The following LCLAT1 variants were observed in gnomAD, a reference collection of about 807,000 sequenced individuals.
LCLAT1 encodes the protein lysocardiolipin acyltransferase 1.
Under a neutral mutation model 30.7 loss-of-function variants are expected in LCLAT1, and 11 were observed. The ratio of observed to expected loss-of-function variants is 0.36; its 90% CI spans 0.23 to 0.59. The LOEUF is 0.59. Among genes scored for constraint, LCLAT1 ranks in the 20% least tolerant of loss-of-function variants. The pLI is 0.77. For missense variants in LCLAT1, 402 were observed against 458.6 expected (o/e 0.88, Z 1.13); for synonymous variants, 155 against 151.3 (o/e 1.02, Z -0.18).
intron 1 of LCLAT1, among the ~76,000 whole-genome samples, chr2:30,461,821 A>T (rs1682151299): frequency 7.5e-6 from 1 of 132,878 alleles, no homozygotes; most frequent in Non-Finnish European, 1.6e-5. Context: ...CCCAGGCTGG[A>T]GTGCAGTGGC....
At position 30,447,340 on chromosome 2, in the gene LCLAT1, A is replaced by T. The variant is rs890452699; in HGVS notation, c.-48A>T. The T allele has an allele frequency of 6.6e-6, 1 of 152,002 alleles. No individual in the cohort carries two copies. Among genetic ancestry groups the T allele is most frequent in the Non-Finnish European group, 1.5e-5 (1 of 68,042 alleles). 9.4% of individuals were successfully genotyped at this position (152,002 alleles called of 1,614,324 possible). ...ACCCCTACGGAGCCCCAGCTTGCCCACGCACCCCACTCGGCGTCGCGCGGC... is the reference window on the plus strand; with the variant it reads ...ACCCCTACGGAGCCCCAGCTTGCCCTCGCACCCCACTCGGCGTCGCGCGGC... On this transcript the variant is annotated 5_prime_UTR_variant, in exon 1 of 6. Transcript: ENST00000379509.
intron 1 of LCLAT1, among the ~76,000 whole-genome samples, chr2:30,504,185 A>G (rs1684547190): frequency 6.6e-6 from 1 of 152,148 alleles, no homozygotes; most frequent in Admixed American, 6.6e-5. Context: ...CATAATATGC[A>G]TTACATATAT....
At chr2:30,636,654 A>G (rs1331308816) in intron 5 of LCLAT1, among the ~76,000 whole-genome samples, 3 of 152,146 alleles carry the variant, frequency 2.0e-5, no homozygotes, top group Non-Finnish European at 4.4e-5. Flanking sequence ...CCATTTCTGT[A>G]CTGAACATTA....
intron 1 of LCLAT1, among the ~76,000 whole-genome samples, chr2:30,521,024 T>C (rs1685443854): frequency 6.6e-6 from 1 of 152,000 alleles, no homozygotes; most frequent in Admixed American, 6.6e-5. Flanking sequence ...ACCACAAAAT[T>C]CGGGTCATAA....
chr2:30,506,071 C>A (rs1172783131), intron 1 of LCLAT1, among the ~76,000 whole-genome samples: 1 of 152,072 alleles, frequency 6.6e-6, no homozygotes, highest in Non-Finnish European at 1.5e-5. Context: ...AAGTTTGGCC[C>A]CATTCTGCTC....
chr2:30,488,781 C>T (rs979829934), intron 1 of LCLAT1, among the ~76,000 whole-genome samples: 6 of 152,126 alleles, frequency 3.9e-5, no homozygotes, highest in Admixed American at 1.3e-4. Flanking sequence ...GTGCAAAGCT[C>T]GTATTAGGTT....
intron 5 of LCLAT1, among the ~76,000 whole-genome samples, chr2:30,597,102 C>A (rs1666957107): frequency 6.8e-6 from 1 of 147,864 alleles, no homozygotes; most frequent in Non-Finnish European, 1.5e-5. Flanking sequence ...GTTCTTTTTG[C>A]TTAAGATTGT....
chr2:30,642,418 T>A lies in LCLAT1; in HGVS notation c.*1799T>A, dbSNP rs13021261. On this transcript the variant is annotated 3_prime_UTR_variant, in exon 6 of 6. Coordinates refer to ENST00000379509, the MANE Select transcript of LCLAT1 (RefSeq NM_001002257.3). Reference sequence around the variant, plus strand: ...TTCTTTTCTTTTTTTTTTTTTTTTTTTAAAAAAGCACCTTTTTTTGTTGTT... The same window carrying A: ...TTCTTTTCTTTTTTTTTTTTTTTTTATAAAAAAGCACCTTTTTTTGTTGTT... 2.2e-5 allele frequency: 3 copies of A among 138,790 alleles called. No individual in the cohort carries two copies. Among genetic ancestry groups the A allele is most frequent in the African/African-American group, 8.1e-5 (3 of 37,220 alleles). The allele number at this position is 138,790 out of a possible 1,614,324, so 8.6% of individuals were successfully genotyped here. A position where few individuals can be genotyped will look rare whatever the true frequency, so the allele number is the denominator to read the frequency against.
At chr2:30,558,277 A>T (rs1341326718) in intron 3 of LCLAT1, among the ~76,000 whole-genome samples, 1 of 152,138 alleles carries the variant, frequency 6.6e-6, no homozygotes, top group African/African-American at 2.4e-5. Flanking sequence ...TACAATGAAG[A>T]AATCTGAACG....
intron 5 of LCLAT1, among the ~76,000 whole-genome samples, chr2:30,591,962 A>G (rs1377295769): frequency 1.3e-5 from 2 of 152,142 alleles, no homozygotes; most frequent in African/African-American, 4.8e-5. Context: ...TCCTCATCAC[A>G]TAGTATAATA....
chr2:30,556,679 C>A (rs1452045903), intron 3 of LCLAT1, among the ~76,000 whole-genome samples: 1 of 151,660 alleles, frequency 6.6e-6, no homozygotes, highest in Non-Finnish European at 1.5e-5. Context: ...TATAACAATA[C>A]CAGTCAGCAA....
intron 1 of LCLAT1, among the ~76,000 whole-genome samples, chr2:30,452,777 A>G (rs913164423): frequency 5.9e-5 from 9 of 152,170 alleles, no homozygotes; most frequent in South Asian, 2.1e-4. Context: ...TTTTAATGCA[A>G]CGAGCTAAGA....
At chr2:30,555,340 A>G (rs1664866433) in intron 3 of LCLAT1, among the ~76,000 whole-genome samples, 2 of 152,176 alleles carry the variant, frequency 1.3e-5, no homozygotes, top group African/African-American at 4.8e-5. Flanking sequence ...TTTAAAAGAA[A>G]TTATTTTGAG....
chr2:30,634,819 C>T (rs1668947015), intron 5 of LCLAT1, among the ~76,000 whole-genome samples: 1 of 152,152 alleles, frequency 6.6e-6, no homozygotes, highest in South Asian at 2.1e-4. Flanking sequence ...ATGAAAGAGG[C>T]ACATCTCAAC....
chr2:30,520,194 G>A (rs1337921673), intron 1 of LCLAT1, among the ~76,000 whole-genome samples: 1 of 152,190 alleles, frequency 6.6e-6, no homozygotes, highest in East Asian at 1.9e-4. Context: ...GAGAGCAAAA[G>A]GCTTGCTGCC....
chr2:30,633,999 T>G (rs935198986), intron 5 of LCLAT1, among the ~76,000 whole-genome samples: 2 of 152,232 alleles, frequency 1.3e-5, no homozygotes, highest in African/African-American at 4.8e-5. Context: ...GGGCTCAGCT[T>G]GATGTGCTCA....
intron 5 of LCLAT1, among the ~76,000 whole-genome samples, chr2:30,591,895 T>C (rs986423747): frequency 1.3e-5 from 2 of 152,192 alleles, no homozygotes; most frequent in Non-Finnish European, 2.9e-5. Context: ...CCTTCTACCA[T>C]AGTTAGTCAC....
intron 5 of LCLAT1, among the ~76,000 whole-genome samples, chr2:30,634,234 T>G (rs1668912167): frequency 6.6e-6 from 1 of 152,234 alleles, no homozygotes; most frequent in South Asian, 2.1e-4. Context: ...TATTAAAATA[T>G]GAAACTTTCC....
At chr2:30,516,758 A>C (rs1331748917) in intron 1 of LCLAT1, among the ~76,000 whole-genome samples, 1 of 152,166 alleles carries the variant, frequency 6.6e-6, no homozygotes, top group African/African-American at 2.4e-5. Context: ...ATACTGGACC[A>C]CTTTGACTTG....
Sources: gnomAD v4.1 joint callset for allele counts (sites outside exome capture counted in the v4.1 genomes callset) on GRCh38, gnomAD v4.1.1 for gene constraint, MANE v1.5 for transcripts, NCBI Gene and HGNC (gene_info 2026-07-23, HGNC 2026-07-21) for gene names.